The following SLC39A13 variants were observed in gnomAD, a reference collection of about 807,000 sequenced individuals.
SLC39A13 encodes the protein solute carrier family 39 member 13, also known as zinc transporter ZIP13.
Under a neutral mutation model 38.7 loss-of-function variants are expected in SLC39A13, and 18 were observed. That is an observed-to-expected ratio of 0.47 (90% confidence interval 0.32 to 0.69). SLC39A13 has a LOEUF of 0.69. SLC39A13 is among the 30% of genes least tolerant of loss of function. The pLI is 0.03. For missense variants in SLC39A13, 395 were observed against 490.7 expected (o/e 0.80, Z 1.84); for synonymous variants, 212 against 219.1 (o/e 0.97, Z 0.29).
At chr11:47,412,758 CTTT>C (rs1187342398) in intron 4 of SLC39A13, among the ~76,000 whole-genome samples, 2 of 115,102 alleles carry the variant, frequency 1.7e-5, no homozygotes, top group East Asian at 2.5e-4. Context: ...GGGTTCCTAT[CTTT>C]TTTTTTTTTT....
At position 47,415,283 on chromosome 11, in the gene SLC39A13, C is replaced by A. The variant is rs765891564; in HGVS notation, c.1041-5C>A. On this transcript the variant is annotated splice_region_variant and splice_polypyrimidine_tract_variant and intron_variant, in intron 9 of 9. Coordinates refer to ENST00000362021, the MANE Select transcript of SLC39A13 (RefSeq NM_001128225.3). Reference sequence around the variant, plus strand: ...CCTCCACCGTGAGCCGTTCCCTCCCCACAGGCGCTCCCTGCAGCAGCTGCT... The same window carrying A: ...CCTCCACCGTGAGCCGTTCCCTCCCAACAGGCGCTCCCTGCAGCAGCTGCT... 3 of 1,614,000 alleles carry A rather than the reference C, an allele frequency of 1.9e-6. No individual in the cohort carries two copies. The highest frequency in any genetic ancestry group is 2.5e-6 in the Non-Finnish European group (3 of 1,180,012).
At chr11:47,410,461 A>C (rs1313242208) in intron 2 of SLC39A13, 66 bp downstream of exon 2, 1 of 1,571,836 alleles carries the variant, frequency 6.4e-7, no homozygotes, top group Non-Finnish European at 8.7e-7. Context: ...TGCTCTTCTT[A>C]GGAGACCCCA....
rs1411946757 is a variant in SLC39A13 at position 47,415,734 on chromosome 11, G to A, written c.*371G>A. The A allele has an allele frequency of 3.2e-5, 8 of 249,878 alleles. No homozygotes were observed. The East Asian group carries it at 7.2e-4, about 22-fold the overall frequency. The allele number at this position is 249,878 out of a possible 1,614,324, so 15.5% of individuals were successfully genotyped here. ...GACCCCGGGAGTGAGAGCAGCCCAA[G>A]GATCCAGGGTGCAGGGAACTCCAGA... On this transcript the variant is annotated 3_prime_UTR_variant, in exon 10 of 10. Coordinates refer to ENST00000362021, the MANE Select transcript of SLC39A13 (RefSeq NM_001128225.3).
intron 6 of SLC39A13, 190 bp from the exon 7 acceptor site, chr11:47,414,235 T>G: frequency 1.5e-6 from 1 of 660,530 alleles, no homozygotes; most frequent in South Asian, 1.7e-5. Flanking sequence ...GTCCTGTCTC[T>G]CCCCTCTATA....
At position 47,413,456 on chromosome 11, in the gene SLC39A13, G is replaced by A; in HGVS notation, c.594G>A (p.Leu198=). 1 of 1,614,108 alleles carries A rather than the reference G, an allele frequency of 6.2e-7. No homozygotes were observed. ...AAAALNGGHC[L]AQPAAEPGLG... ...CCGCGCTCAATGGAGGCCACTGTCT[G>A]GCCCAGCCGGCTGCAGAGCCCGGCC... Residue 198 remains leucine, a synonymous_variant, in exon 5 of 10, where the codon CTG becomes CTA. Transcript: ENST00000362021.
At chr11:47,410,064 A>G in intron 1 of SLC39A13, 23 bp from the exon 2 acceptor site, 1 of 1,611,450 alleles carries the variant, frequency 6.2e-7, no homozygotes, top group Non-Finnish European at 8.5e-7. Context: ...TAGCTCATAT[A>G]GGTGGCCTTT....
Position 47,415,765 on chromosome 11 carries a change from C to T in SLC39A13, c.*402C>T, listed in dbSNP as rs902439927. The stretch of plus-strand genomic sequence containing the variant: ...AGGGTGCAGGGAACTCCAGAGCTGC[C>T]CACCTCCCACTGCCCCCTCAGCACA... On this transcript the variant is annotated 3_prime_UTR_variant, in exon 10 of 10. Coordinates refer to ENST00000362021, the MANE Select transcript of SLC39A13 (RefSeq NM_001128225.3). The T allele has an allele frequency of 5.4e-5, 18 of 334,212 alleles. No individual in the cohort carries two copies. Among genetic ancestry groups the T allele is most frequent in the Non-Finnish European group, 9.3e-5 (16 of 172,822 alleles). The allele number at this position is 334,212 out of a possible 1,614,324, so 20.7% of individuals were successfully genotyped here.
intron 3 of SLC39A13, 44 bp from the exon 4 acceptor site, chr11:47,412,302 G>A: frequency 6.3e-7 from 1 of 1,591,526 alleles, no homozygotes; most frequent in Non-Finnish European, 8.6e-7. Context: ...TATGGCCCTG[G>A]CTTGGCTTGG....
chr11:47,412,875 C>T (rs1345278858), intron 4 of SLC39A13, among the ~76,000 whole-genome samples: 1 of 150,368 alleles, frequency 6.7e-6, no homozygotes, highest in South Asian at 2.1e-4. Context: ...GATTCTCCTG[C>T]CTCAGCCTCC....
chr11:47,408,743 TCATCAGACCTGGGC>T (rs1204461372), intron 1 of SLC39A13, 81 bp downstream of exon 1: 1 of 152,562 alleles, frequency 6.6e-6, no homozygotes, highest in Non-Finnish European at 1.5e-5. Flanking sequence ...CGACTGGTCC[TCATCAGACCTGGGC>T]CGGCTCCCAG....
In SLC39A13 at chr11:47,412,391, G is replaced by C. The variant is rs368141906; in HGVS notation, c.461G>C (p.Trp154Ser). The C allele has an allele frequency of 3.7e-6, 6 of 1,614,094 alleles. No individual in the cohort carries two copies. The African/African-American group carries it at 8.0e-5, about 22-fold the overall frequency. The change falls in exon 4 of 10, where the codon TGG becomes TCG. Residue 154 changes from tryptophan (W) to serine (S), a missense_variant. By Grantham distance (177) the Trp-to-Ser change is radical. Coordinates refer to ENST00000362021, the MANE Select transcript of SLC39A13 (RefSeq NM_001128225.3). ...CAGCAGCAGCAACAGCTGGGGCTGT[G>C]GGTCATTGCTGGCATCCTGACCTTC... ...SLQQQQQLGL[W>S]VIAGILTFLA...
chr11:47,416,125 G>C lies in SLC39A13; in HGVS notation c.*762G>C, dbSNP rs1307456929. The C allele has an allele frequency of 6.5e-6, 1 of 153,836 alleles. No homozygotes were observed. Among genetic ancestry groups the C allele is most frequent in the Non-Finnish European group, 1.4e-5 (1 of 69,004 alleles). The allele number at this position is 153,836 out of a possible 1,614,324, so 9.5% of individuals were successfully genotyped here. A position where few individuals can be genotyped will look rare whatever the true frequency, so the allele number is the denominator to read the frequency against. Reference sequence around the variant, plus strand: ...CCCGGTCCAGCTCAGGGATGCTCCTGCCAGCACAGGGGCCAGGGACTCCTG... The same window carrying C: ...CCCGGTCCAGCTCAGGGATGCTCCTCCCAGCACAGGGGCCAGGGACTCCTG... On this transcript the variant is annotated 3_prime_UTR_variant, in exon 10 of 10. Coordinates refer to ENST00000362021, the MANE Select transcript of SLC39A13 (RefSeq NM_001128225.3).
In SLC39A13 at chr11:47,410,253, C is replaced by T. The variant is rs757155548; in HGVS notation, c.159C>T (p.Ser53=). Reference sequence around the variant, plus strand: ...CCTGTCGCCTGGACAACAAGGAAAGCGAGTCCTGGGGGGCTCTGCTGAGCG... The same window carrying T: ...CCTGTCGCCTGGACAACAAGGAAAGTGAGTCCTGGGGGGCTCTGCTGAGCG... ...ATACRLDNKE[S]ESWGALLSGE... is the part of the protein sequence containing the mutation. The change falls in exon 2 of 10, where the codon AGC becomes AGT. Residue 53 remains serine, a synonymous_variant. Transcript: ENST00000362021. The T allele has an allele frequency of 1.9e-5, 30 of 1,614,002 alleles. No homozygotes were observed. The highest frequency in any genetic ancestry group is 3.3e-4 in the Middle Eastern group (2 of 6,084).
Position 47,410,285 on chromosome 11 carries a change from G to C in SLC39A13, c.191G>C (p.Arg64Pro). Residue 64 changes from arginine to proline, a missense_variant, in exon 2 of 10, where the codon CGG (arginine) becomes CCG (proline). By Grantham distance (103) the Arg-to-Pro change is moderately radical. Coordinates refer to ENST00000362021, the MANE Select transcript of SLC39A13 (RefSeq NM_001128225.3). The part of the protein sequence containing the change: ...ESWGALLSGE[R>P]LDTWICSLLG... ...TGGGGGGCTCTGCTGAGCGGAGAGC[G>C]GCTGGACACCTGGATCTGCTCCCTC... The C allele has an allele frequency of 6.2e-7, 1 of 1,614,148 alleles. No homozygotes were observed. The highest frequency in any genetic ancestry group is 8.5e-7 in the Non-Finnish European group (1 of 1,180,014).
intron 2 of SLC39A13, 52 bp from the exon 3 acceptor site, chr11:47,411,874 G>A: frequency 6.4e-7 from 1 of 1,559,544 alleles, no homozygotes; most frequent in Admixed American, 1.8e-5. Context: ...ATGAAGGTCA[G>A]GCCAGGAGCT....
At chr11:47,409,973 C>T in intron 1 of SLC39A13, 114 bp from the exon 2 acceptor site, 1 of 1,275,398 alleles carries the variant, frequency 7.8e-7, no homozygotes, top group Non-Finnish European at 1.1e-6. Context: ...CTGGCAAGGA[C>T]AGCAGGAGGG....
chr11:47,413,506 A>G lies in SLC39A13; in HGVS notation c.644A>G (p.Lys215Arg), dbSNP rs765944959. The G allele has an allele frequency of 4.3e-6, 7 of 1,613,942 alleles. No homozygotes were observed. The highest frequency in any genetic ancestry group is 5.1e-6 in the Non-Finnish European group (6 of 1,180,006). ...PGLGAVVRSI[K>R]VSGYLNLLAN... Reference sequence around the variant, plus strand: ...CTCGGTGCCGTGGTCCGGAGCATCAAAGTGAGTGGCCTGCTCAGGGCCCCT... The same window carrying G: ...CTCGGTGCCGTGGTCCGGAGCATCAGAGTGAGTGGCCTGCTCAGGGCCCCT... Residue 215 changes from lysine to arginine, a missense_variant and splice_region_variant, in exon 5 of 10, where the codon AAA becomes AGA. By Grantham distance (26) the Lys-to-Arg change is conservative. Transcript: ENST00000362021.
At position 47,410,165 on chromosome 11, in the gene SLC39A13, T is replaced by C; in HGVS notation, c.71T>C (p.Leu24Pro). 6.2e-7 allele frequency: 1 copy of C among 1,613,480 alleles called. No homozygotes were observed. The highest frequency in any genetic ancestry group is 8.5e-7 in the Non-Finnish European group (1 of 1,179,978). ...CTCCTCTTCCTCACTGCCCTTGCCCTGGAGCTCTTGGAAAGGGCTGGGGGT... is the reference window on the plus strand; with the variant it reads ...CTCCTCTTCCTCACTGCCCTTGCCCCGGAGCTCTTGGAAAGGGCTGGGGGT... ...PRLLFLTALA[L>P]ELLERAGGSQ... Residue 24 changes from leucine (L) to proline (P), a missense_variant, in exon 2 of 10, where the codon CTG (leucine) becomes CCG (proline). By Grantham distance (98) the Leu-to-Pro change is moderately conservative. Coordinates refer to ENST00000362021, the MANE Select transcript of SLC39A13 (RefSeq NM_001128225.3).
intron 8 of SLC39A13, 59 bp downstream of exon 8, chr11:47,414,968 G>C: frequency 6.2e-7 from 1 of 1,608,132 alleles, no homozygotes; most frequent in Admixed American, 1.7e-5. Flanking sequence ...CCAGCCAAAG[G>C]GTGTGGCTAC....
Sources: allele counts gnomAD v4.1 joint callset (sites outside exome capture counted in the v4.1 genomes callset), GRCh38; gene constraint gnomAD v4.1.1; transcripts MANE v1.5; gene names NCBI Gene and HGNC (gene_info 2026-07-23, HGNC 2026-07-21).